The following ZC3H12B variants were observed in gnomAD, a reference collection of about 807,000 sequenced individuals.
The protein encoded by ZC3H12B is probable ribonuclease ZC3H12B.
A neutral mutation model predicts 43.9 loss-of-function variants in ZC3H12B; 7 were observed. The observed-to-expected ratio is 0.16, with a 90% CI of 0.09 to 0.30. The LOEUF (loss-of-function observed/expected upper bound fraction) is 0.30, where lower values mean the gene tolerates loss of function less well. Ranked by LOEUF, ZC3H12B falls within the 10% of genes least tolerant of loss-of-function variation. ZC3H12B has a pLI of 1.00. For synonymous variants in ZC3H12B, 222 were observed against 241.7 expected (o/e 0.92, Z 0.76); for missense variants, 475 against 670.2 (o/e 0.71, Z 3.22).
At chrX:65,239,381 T>G in the ZC3H12B span, among the ~76,000 whole-genome samples, 1 of 110,748 alleles carries the variant, frequency 9.0e-6, no homozygotes, top group Admixed American at 9.7e-5. Flanking sequence ...TTTCAGCAAC[T>G]AGGATTGCAA....
intron 2 of ZC3H12B, among the ~76,000 whole-genome samples, chrX:65,386,631 G>T (rs982810748): frequency 2.7e-5 from 3 of 111,143 alleles, no homozygotes; most frequent in Non-Finnish European, 5.7e-5. Flanking sequence ...AGGGTTTTTT[G>T]TGTCTCTATT....
At chrX:65,156,538 G>A in the ZC3H12B span, among the ~76,000 whole-genome samples, 1 of 110,926 alleles carries the variant, frequency 9.0e-6, no homozygotes, top group Admixed American at 9.7e-5. Flanking sequence ...CTGTCACCAC[G>A]CCTGGCTAAT....
At chrX:65,178,210 A>G in the ZC3H12B span, among the ~76,000 whole-genome samples, 5 of 112,524 alleles carry the variant, frequency 4.4e-5, no homozygotes, top group African/African-American at 1.6e-4. Context: ...GGCTAGCCAT[A>G]TGCAGCAAAC....
intron 3 of ZC3H12B, among the ~76,000 whole-genome samples, chrX:65,460,713 A>G (rs1490452876): frequency 8.9e-6 from 1 of 112,065 alleles, no homozygotes. Flanking sequence ...TTAATTCAAG[A>G]TGGATTAAAG....
chrX:65,300,072 G>C, the ZC3H12B span, among the ~76,000 whole-genome samples: 9 of 112,448 alleles, frequency 8.0e-5, 1 homozygote, highest in East Asian at 2.5e-3. Flanking sequence ...GCTGCCAATA[G>C]AATTGGAGAA....
chrX:65,252,733 TCTC>T, the ZC3H12B span, among the ~76,000 whole-genome samples: 1 of 112,016 alleles, frequency 8.9e-6, no homozygotes, highest in Non-Finnish European at 1.9e-5. Flanking sequence ...GTCGCTGTCT[TCTC>T]ATTATTATAC....
chrX:65,321,973 A>T, the ZC3H12B span, among the ~76,000 whole-genome samples: 2 of 111,381 alleles, frequency 1.8e-5, no homozygotes, highest in African/African-American at 3.3e-5. Flanking sequence ...TAGATAATCT[A>T]TACAACAAAC....
the ZC3H12B span, among the ~76,000 whole-genome samples, chrX:65,361,276 G>C: frequency 8.9e-6 from 1 of 111,862 alleles, no homozygotes; most frequent in East Asian, 2.8e-4. Context: ...GCTAGTATAA[G>C]GGGTGACAAG....
chrX:65,429,095 G>A (rs753071775), intron 3 of ZC3H12B, among the ~76,000 whole-genome samples: 1 of 112,334 alleles, frequency 8.9e-6, no homozygotes, highest in South Asian at 3.7e-4. Context: ...TGAAGGTTGT[G>A]AAATAGCAAA....
At chrX:65,264,190 G>T in the ZC3H12B span, among the ~76,000 whole-genome samples, 1 of 111,223 alleles carries the variant, frequency 9.0e-6, no homozygotes, top group Non-Finnish European at 1.9e-5. Context: ...AGGAATAAAA[G>T]ATGACATATT....
chrX:65,452,809 C>G (rs768494981), intron 3 of ZC3H12B, among the ~76,000 whole-genome samples: 1 of 105,745 alleles, frequency 9.5e-6, no homozygotes, highest in South Asian at 4.2e-4. Context: ...CCATTGCATT[C>G]CAGCCTGGGC....
intron 2 of ZC3H12B, among the ~76,000 whole-genome samples, chrX:65,390,909 A>G (rs773531197): frequency 1.7e-4 from 19 of 112,026 alleles, no homozygotes; most frequent in Admixed American, 2.9e-4. Flanking sequence ...CTAGGAATCA[A>G]TAATAACAAT....
At chrX:65,161,814 G>A in the ZC3H12B span, among the ~76,000 whole-genome samples, 1 of 111,661 alleles carries the variant, frequency 9.0e-6, no homozygotes, top group East Asian at 2.8e-4. Context: ...TATGGTGTTA[G>A]TTAGCTGGTT....
the ZC3H12B span, among the ~76,000 whole-genome samples, chrX:65,092,296 A>G: frequency 8.9e-6 from 1 of 112,065 alleles, no homozygotes; most frequent in East Asian, 2.8e-4. Context: ...TAATGGACTA[A>G]TACAGAAAAT....
the ZC3H12B span, among the ~76,000 whole-genome samples, chrX:65,062,510 T>A: frequency 9.0e-6 from 1 of 111,661 alleles, no homozygotes; most frequent in Non-Finnish European, 1.9e-5. Flanking sequence ...TTCTGTAACA[T>A]TTGTCTATAT....
intron 3 of ZC3H12B, among the ~76,000 whole-genome samples, chrX:65,441,412 A>G (rs958186321): frequency 8.9e-6 from 1 of 111,911 alleles, no homozygotes; most frequent in Non-Finnish European, 1.9e-5. Flanking sequence ...CTTTCCTTGA[A>G]TAGTTATTTC....
At chrX:65,101,596 G>A in the ZC3H12B span, among the ~76,000 whole-genome samples, 1 of 112,106 alleles carries the variant, frequency 8.9e-6, no homozygotes, top group Non-Finnish European at 1.9e-5. Flanking sequence ...ACTACCATCA[G>A]AGAATACTAT....
At chrX:65,410,107 G>GAAAAAAAAAAAAAAAAAAA (rs35885886) in intron 3 of ZC3H12B, among the ~76,000 whole-genome samples, 1 of 45,532 alleles carries the variant, frequency 2.2e-5, no homozygotes, top group African/African-American at 4.7e-5. Context: ...TATTAAATCA[G>GAAAAAAAAAAAAAAAAAAA]AAAAAAAAAA....
At chrX:65,149,637 A>G in the ZC3H12B span, among the ~76,000 whole-genome samples, 6 of 107,986 alleles carry the variant, frequency 5.6e-5, no homozygotes, top group Non-Finnish European at 1.1e-4. Context: ...GATGGCGGGC[A>G]CCTGTATTCC....
Sources: gnomAD v4.1 joint callset for allele counts (sites outside exome capture counted in the v4.1 genomes callset) on GRCh38, gnomAD v4.1.1 for gene constraint, MANE v1.5 for transcripts, NCBI Gene and HGNC (gene_info 2026-07-23, HGNC 2026-07-21) for gene names.